Variants in SCLT1 observed in about 807,000 individuals in gnomAD.
The protein encoded by SCLT1 is sodium channel and clathrin linker 1, also known as sodium channel-associated protein 1.
SCLT1 carries 78 observed loss-of-function variants against 112.8 expected under a neutral mutation model. The ratio of observed to expected loss-of-function variants is 0.69; its 90% CI spans 0.58 to 0.83. The LOEUF (loss-of-function observed/expected upper bound fraction) is 0.83. Ranked by LOEUF, SCLT1 falls within the 40% of genes least tolerant of loss-of-function variation. The pLI, the probability that SCLT1 is intolerant of heterozygous loss-of-function variation, is 0.00. For synonymous variants in SCLT1, 257 were observed against 254.7 expected, an observed-to-expected ratio of 1.01 and a Z score of -0.09; for missense variants, 747 against 770.4, an observed-to-expected ratio of 0.97 and a Z score of 0.36.
At chr4:128,896,572 G>GA (rs1472427468) in intron 18 of SCLT1, among the ~76,000 whole-genome samples, 1 of 152,118 alleles carries the variant, frequency 6.6e-6, no homozygotes, top group East Asian at 1.9e-4. Context: ...CAAAGATGGG[G>GA]AAAAAACAGA....
intron 11 of SCLT1, among the ~76,000 whole-genome samples, chr4:128,961,531 C>CT (rs35948361): frequency 7.3e-5 from 11 of 151,218 alleles, no homozygotes; most frequent in African/African-American, 1.2e-4. Context: ...TCAGACATTT[C>CT]TTTTTTTTTA....
intron 8 of SCLT1, among the ~76,000 whole-genome samples, chr4:128,993,742 G>A (rs1369248491): frequency 1.3e-5 from 2 of 151,882 alleles, no homozygotes; most frequent in East Asian, 1.9e-4. Flanking sequence ...GTTTTACCAC[G>A]GAGACAGAGA....
chr4:128,887,449 A>C lies in SCLT1; in HGVS notation c.2004+1230T>G, dbSNP rs553930829. On this transcript the variant is annotated intron_variant, in intron 20 of 20. Transcript: ENST00000281142. ...TCATGAACATAAACTGAATTCAGCA[A>C]GCAGAGTGGCTTTACTATGTATAAA... 2.0e-5 allele frequency among the ~76,000 whole-genome samples: 3 copies of C among 152,290 alleles called. No homozygotes were observed. In the South Asian group the frequency reaches 6.2e-4, roughly 32 times the overall value.
chr4:128,966,711 C>CA (rs1330915743), intron 10 of SCLT1, among the ~76,000 whole-genome samples: 1 of 152,146 alleles, frequency 6.6e-6, no homozygotes, highest in Non-Finnish European at 1.5e-5. Flanking sequence ...CAAACTCTCT[C>CA]ATTTTTGGTT....
chr4:128,975,509 T>C (rs563000018), intron 9 of SCLT1, among the ~76,000 whole-genome samples: 2 of 152,288 alleles, frequency 1.3e-5, no homozygotes, highest in South Asian at 4.1e-4. Context: ...TGAGTCTATT[T>C]TAAGACAAAT....
intron 18 of SCLT1, among the ~76,000 whole-genome samples, chr4:128,931,515 T>C (rs1389097682): frequency 2.0e-5 from 3 of 152,262 alleles, no homozygotes; most frequent in East Asian, 1.9e-4. Flanking sequence ...CAGGCTGGAG[T>C]GCAGTGGCAC....
chr4:129,051,667 C>A (rs1748806266), intron 2 of SCLT1, among the ~76,000 whole-genome samples: 1 of 152,054 alleles, frequency 6.6e-6, no homozygotes, highest in African/African-American at 2.4e-5. Context: ...CATGTCATCT[C>A]CAAACAGAGA....
At chr4:128,970,065 A>C (rs1341285677) in intron 10 of SCLT1, among the ~76,000 whole-genome samples, 1 of 152,208 alleles carries the variant, frequency 6.6e-6, no homozygotes, top group Non-Finnish European at 1.5e-5. Flanking sequence ...AGTAGTATTA[A>C]ATGCTTGTTT....
chr4:128,976,232 A>T (rs1174463676), intron 9 of SCLT1, among the ~76,000 whole-genome samples: 2 of 152,156 alleles, frequency 1.3e-5, no homozygotes, highest in African/African-American at 2.4e-5. Context: ...CTCATTCAGG[A>T]CGTCTGCAAG....
intron 15 of SCLT1, among the ~76,000 whole-genome samples, chr4:128,947,988 A>G (rs539203537): frequency 2.6e-4 from 39 of 152,316 alleles, no homozygotes; most frequent in African/African-American, 8.9e-4. Flanking sequence ...CACAAAATTT[A>G]TATCTTTAAG....
In SCLT1 at chr4:129,039,025, T is replaced by G. The variant is rs377286035; in HGVS notation, c.290+16A>C. 7.2e-7 allele frequency: 1 copy of G among 1,387,920 alleles called. No homozygotes were observed. Among genetic ancestry groups the G allele is most frequent in the Admixed American group, 1.7e-5 (1 of 58,998 alleles). 86.0% of individuals were successfully genotyped at this position (1,387,920 alleles called of 1,614,324 possible). A position where few individuals can be genotyped will look rare whatever the true frequency, so the allele number is the denominator to read the frequency against. On this transcript the variant is annotated intron_variant, in intron 5 of 20. Transcript: ENST00000281142. ...AGACAATAATAAAAGATAAAACCAA[T>G]AGTTAATTGATTTACCTTTCATTTT...
intron 13 of SCLT1, among the ~76,000 whole-genome samples, chr4:128,953,240 G>A (rs952076342): frequency 2.0e-5 from 3 of 152,154 alleles, no homozygotes; most frequent in Non-Finnish European, 2.9e-5. Flanking sequence ...TAAGAAATAA[G>A]TATATTCTCC....
chr4:128,938,749 A>G (rs963331059), intron 17 of SCLT1, among the ~76,000 whole-genome samples: 2 of 152,180 alleles, frequency 1.3e-5, no homozygotes, highest in African/African-American at 4.8e-5. Context: ...TGGGAAGCTG[A>G]GGCAGGCAGA....
intron 2 of SCLT1, among the ~76,000 whole-genome samples, chr4:129,071,392 AT>A (rs1191064793): frequency 1.3e-5 from 2 of 152,164 alleles, no homozygotes; most frequent in Non-Finnish European, 2.9e-5. Flanking sequence ...GTCTCCAACT[AT>A]TAATGTGTTG....
chr4:128,980,512 A>T (rs1741553247), intron 9 of SCLT1, among the ~76,000 whole-genome samples: 1 of 152,210 alleles, frequency 6.6e-6, no homozygotes, highest in African/African-American at 2.4e-5. Flanking sequence ...CTATCACATC[A>T]GCTCTAATGC....
chr4:128,927,703 C>A (rs1273772386), intron 18 of SCLT1, among the ~76,000 whole-genome samples: 3 of 151,414 alleles, frequency 2.0e-5, no homozygotes, highest in Admixed American at 6.6e-5. Context: ...AAAATTTGAG[C>A]CATGCTTCTA....
At position 129,059,295 on chromosome 4, in the gene SCLT1, G is replaced by A. The variant is rs373053978; in HGVS notation, c.103-15244C>T. Reference sequence around the variant, plus strand: ...TTTAGATTCATGGTTATTATTGCCAGTTAAGGACTTACTCCTGTCACTTTG... The same window carrying A: ...TTTAGATTCATGGTTATTATTGCCAATTAAGGACTTACTCCTGTCACTTTG... On this transcript the variant is annotated intron_variant, in intron 2 of 20. Coordinates refer to ENST00000281142, the MANE Select transcript of SCLT1 (RefSeq NM_144643.4). Among the ~76,000 whole-genome samples, 20 of 152,220 alleles carry A rather than the reference G, an allele frequency of 1.3e-4. 1 individual carries two copies. The South Asian group carries it at 3.9e-3, about 30-fold the overall frequency.
intron 18 of SCLT1, among the ~76,000 whole-genome samples, 194 bp downstream of exon 18, chr4:128,936,461 A>C (rs1227566799): frequency 6.6e-6 from 1 of 152,248 alleles, no homozygotes; most frequent in Non-Finnish European, 1.5e-5. Flanking sequence ...AACATGCATG[A>C]AATTTGTAAA....
chr4:128,988,560 A>G (rs376970608), intron 9 of SCLT1, among the ~76,000 whole-genome samples: 5 of 151,972 alleles, frequency 3.3e-5, no homozygotes, highest in African/African-American at 1.2e-4. Flanking sequence ...GAAGACAGAA[A>G]GGAAGGAAGA....
Sources: allele counts gnomAD v4.1 joint callset (sites outside exome capture counted in the v4.1 genomes callset), GRCh38; gene constraint gnomAD v4.1.1; transcripts MANE v1.5; gene names NCBI Gene and HGNC (gene_info 2026-07-23, HGNC 2026-07-21).